RER1: variants seen among roughly 807,000 people sequenced by gnomAD.
RER1 encodes the protein retention in endoplasmic reticulum sorting receptor 1.
In RER1, 6 loss-of-function variants were observed where a neutral mutation model predicts 28.3. The ratio of observed to expected loss-of-function variants is 0.21; its 90% CI spans 0.12 to 0.42. The LOEUF (loss-of-function observed/expected upper bound fraction) is 0.42. Among genes scored for constraint, RER1 ranks in the 10% least tolerant of loss-of-function variants. The probability of loss-of-function intolerance (pLI) is 1.00; values close to 1 mark genes in which losing one functional copy is unlikely to be tolerated. For synonymous variants in RER1, 110 were observed against 95.9 expected (o/e 1.15, Z -0.86); for missense variants, 159 against 252.9 (o/e 0.63, Z 2.52).
rs746228383 is a variant in RER1 at position 2,402,268 on chromosome 1, G to A, written c.427G>A (p.Val143Ile). The change falls in exon 6 of 7, where the codon GTC (valine) becomes ATC (isoleucine). Residue 143 changes from valine (V) to isoleucine (I), a missense_variant. By Grantham distance (29) the Val-to-Ile change is conservative. Transcript: ENST00000605895. ...CTGTACTTTCTTCGACGCTTTCAAC[G>A]TCCCGGTGTTCTGGCCGATTCTGGT... is the stretch of plus-strand genomic sequence containing the variant. ...MVCTFFDAFN[V>I]PVFWPILVMY... 9.9e-6 allele frequency: 16 copies of A among 1,614,116 alleles called. No homozygotes were observed. The highest frequency in any genetic ancestry group is 4.0e-5 in the African/African-American group (3 of 74,938).
chr1:2,400,742 AT>A, intron 4 of RER1, 114 bp from the exon 5 acceptor site: 1 of 860,492 alleles, frequency 1.2e-6, no homozygotes. Flanking sequence ...GTTAAATGAC[AT>A]GAATCTCGGT....
rs1642919112 is a variant in RER1 at position 2,404,085 on chromosome 1, C to G, written c.*961C>G. On this transcript the variant is annotated 3_prime_UTR_variant, in exon 7 of 7. Transcript: ENST00000605895. ...TCGAAAGGTGACCCATATTGCACAG[C>G]AGAACATCACAGCTGTGGTCCCAGA... The G allele has an allele frequency of 6.6e-6, 1 of 152,254 alleles. No homozygotes were observed. Among genetic ancestry groups the G allele is most frequent in the South Asian group, 2.1e-4 (1 of 4,838 alleles). 9.4% of individuals were successfully genotyped at this position (152,254 alleles called of 1,614,324 possible).
intron 2 of RER1, chr1:2,396,219 C>A: frequency 3.3e-6 from 1 of 300,550 alleles, no homozygotes; most frequent in South Asian, 3.4e-5. Flanking sequence ...GTCCCCGGTG[C>A]TGGTAGCCCC....
intron 5 of RER1, among the ~76,000 whole-genome samples, chr1:2,401,768 G>A (rs1464037921): frequency 2.0e-5 from 3 of 152,126 alleles, no homozygotes; most frequent in Non-Finnish European, 1.5e-5. Flanking sequence ...TAGGAAGGGA[G>A]AGCTGAGCCT....
At chr1:2,400,206 C>T (rs1006487832) in intron 4 of RER1, among the ~76,000 whole-genome samples, 2 of 152,226 alleles carry the variant, frequency 1.3e-5, no homozygotes, top group South Asian at 2.1e-4. Context: ...GGACCCTCCT[C>T]GTTCTGGGGG....
At chr1:2,402,872 A>C (rs968654113) in intron 6 of RER1, among the ~76,000 whole-genome samples, 163 bp from the exon 7 acceptor site, 3 of 152,192 alleles carry the variant, frequency 2.0e-5, no homozygotes, top group Non-Finnish European at 4.4e-5. Flanking sequence ...GGGCTGTGGA[A>C]GGTCTTGCTG....
Position 2,402,209 on chromosome 1 carries a change from A to G in RER1, c.368A>G (p.His123Arg), listed in dbSNP as rs974159343. 1.9e-6 allele frequency: 3 copies of G among 1,614,168 alleles called. No individual in the cohort carries two copies. The highest frequency in any genetic ancestry group is 2.5e-6 in the Non-Finnish European group (3 of 1,180,036). Residue 123 changes from histidine to arginine, a missense_variant and splice_region_variant, in exon 6 of 7, where the codon CAT becomes CGT. By Grantham distance (29) the His-to-Arg change is conservative. Coordinates refer to ENST00000605895, the MANE Select transcript of RER1 (RefSeq NM_007033.5). The part of the protein sequence containing the change: ...IRRLPEFKFW[H>R]AATKGILVAM... ...TAACCTTCTCTCCCCACTTGAAGGC[A>G]TGCGGCTACCAAGGGCATCCTTGTG...
At chr1:2,397,714 A>G (rs1199924869) in intron 3 of RER1, among the ~76,000 whole-genome samples, 1 of 152,280 alleles carries the variant, frequency 6.6e-6, no homozygotes. Flanking sequence ...ACAGTGACCG[A>G]AGGGGGTCTT....
At position 2,396,160 on chromosome 1, in the gene RER1, C is replaced by T. The variant is rs999159489; in HGVS notation, c.81+289C>T. 6.0e-5 allele frequency: 23 copies of T among 385,928 alleles called. No homozygotes were observed. In the Admixed American group the frequency reaches 7.6e-4, roughly 13 times the overall value. 23.9% of individuals were successfully genotyped at this position (385,928 alleles called of 1,614,324 possible). ...TCTCAGCTCCCAGGCAGGACAGATGCGGCCGTGGCTGCCGTTCTGCTCTTG... is the reference window on the plus strand; with the variant it reads ...TCTCAGCTCCCAGGCAGGACAGATGTGGCCGTGGCTGCCGTTCTGCTCTTG... On this transcript the variant is annotated intron_variant, in intron 2 of 6. Coordinates refer to ENST00000605895, the MANE Select transcript of RER1 (RefSeq NM_007033.5).
At position 2,405,356 on chromosome 1, in the gene RER1, C is replaced by T. The variant is rs886046144; in HGVS notation, c.*2232C>T. ...CGTGCCCCACCCCACCCAGCACGCA[C>T]TCATTCAGTCCATTGCCTTAACACA... On this transcript the variant is annotated 3_prime_UTR_variant, in exon 7 of 7. Coordinates refer to ENST00000605895, the MANE Select transcript of RER1 (RefSeq NM_007033.5). 2.6e-4 allele frequency: 91 copies of T among 353,970 alleles called. No homozygotes were observed. The highest frequency in any genetic ancestry group is 9.9e-4 in the Middle Eastern group (1 of 1,012). The allele number at this position is 353,970 out of a possible 1,614,324, so 21.9% of individuals were successfully genotyped here.
At chr1:2,402,420 CTGTGGTGGGT>C in intron 6 of RER1, 78 bp downstream of exon 6, 1 of 1,585,352 alleles carries the variant, frequency 6.3e-7, no homozygotes, top group Non-Finnish European at 8.6e-7. Flanking sequence ...CTGTGCTGGG[CTGTGGTGGGT>C]GGTGGCAGAG....
Position 2,403,278 on chromosome 1 carries a change from C to T in RER1, c.*154C>T. The T allele has an allele frequency of 4.9e-6, 3 of 610,160 alleles. No homozygotes were observed. Among genetic ancestry groups the T allele is most frequent in the Non-Finnish European group, 8.9e-6 (3 of 338,804 alleles). The allele number at this position is 610,160 out of a possible 1,614,324, so 37.8% of individuals were successfully genotyped here. A position where few individuals can be genotyped will look rare whatever the true frequency, so the allele number is the denominator to read the frequency against. On this transcript the variant is annotated 3_prime_UTR_variant, in exon 7 of 7. Coordinates refer to ENST00000605895, the MANE Select transcript of RER1 (RefSeq NM_007033.5). ...TGATTTGTAACTGAAATATCAGGTTCTAGAAGAAACTGGCGCTTAAACCAA... is the reference window on the plus strand; with the variant it reads ...TGATTTGTAACTGAAATATCAGGTTTTAGAAGAAACTGGCGCTTAAACCAA...
At chr1:2,397,733 C>T (rs1382209394) in intron 3 of RER1, among the ~76,000 whole-genome samples, 2 of 152,204 alleles carry the variant, frequency 1.3e-5, no homozygotes, top group Non-Finnish European at 2.9e-5. Context: ...TTGAGGGTTT[C>T]CTTCGTGTGT....
chr1:2,402,394 C>G (rs556673628), intron 6 of RER1, 52 bp downstream of exon 6: 20 of 1,610,456 alleles, frequency 1.2e-5, no homozygotes, highest in Middle Eastern at 3.3e-4. Context: ...TTCTGTTACC[C>G]GCAGCATTGG....
Position 2,399,524 on chromosome 1 carries a change from C to T in RER1, c.286+10C>T, listed in dbSNP as rs375264869. 1.9e-4 allele frequency: 293 copies of T among 1,551,004 alleles called. No homozygotes were observed. The highest frequency in any genetic ancestry group is 2.5e-4 in the Non-Finnish European group (283 of 1,122,520). ...TTAATGGAAGACTCAGGTAGGGTAG[C>T]GGCTGTGCACTGGGCTGTGTGGGCA... On this transcript the variant is annotated intron_variant, in intron 4 of 6. Coordinates refer to ENST00000605895, the MANE Select transcript of RER1 (RefSeq NM_007033.5).
intron 1 of RER1, among the ~76,000 whole-genome samples, chr1:2,393,676 TCA>T (rs1163943518): frequency 6.6e-6 from 1 of 152,198 alleles, no homozygotes; most frequent in East Asian, 1.9e-4. Flanking sequence ...CCTGTCCTAG[TCA>T]CACTGGCAGA....
Position 2,397,193 on chromosome 1 carries a change from C to T in RER1, c.159C>T (p.Val53=). 1.2e-6 allele frequency: 2 copies of T among 1,613,886 alleles called. No individual in the cohort carries two copies. The highest frequency in any genetic ancestry group is 1.7e-6 in the Non-Finnish European group (2 of 1,179,776). The change falls in exon 3 of 7, where the codon GTC becomes GTT. Residue 53 remains valine, a synonymous_variant. Transcript: ENST00000605895. ...RWVVTLGLSF[V]YMIRVYLLQG... ...TCGTGACACTGGGCCTGAGCTTTGT[C>T]TACATGATTCGAGTTTACCTGCTGC...
At chr1:2,395,748 C>T in intron 1 of RER1, 36 bp from the exon 2 acceptor site, 2 of 1,473,100 alleles carry the variant, frequency 1.4e-6, no homozygotes, top group Non-Finnish European at 1.9e-6. Flanking sequence ...CCCGTGAATG[C>T]TTTTTACTGA....
At chr1:2,401,371 T>C (rs1272576138) in intron 5 of RER1, among the ~76,000 whole-genome samples, 10 of 4,344 alleles carry the variant, frequency 2.3e-3, no homozygotes, top group Non-Finnish European at 3.6e-3. Flanking sequence ...TCCTCCCTCC[T>C]TCCTCCCTCC....
Sources: allele counts gnomAD v4.1 joint callset (sites outside exome capture counted in the v4.1 genomes callset), GRCh38; gene constraint gnomAD v4.1.1; transcripts MANE v1.5; gene names NCBI Gene and HGNC (gene_info 2026-07-23, HGNC 2026-07-21).